The following MYH2 variants were observed in gnomAD, a reference collection of about 807,000 sequenced individuals.
The protein encoded by MYH2 is myosin-2.
In MYH2, 139 loss-of-function variants were observed where a neutral mutation model predicts 228.1. That is an observed-to-expected ratio of 0.61 (90% CI 0.53 to 0.70). The LOEUF is 0.70. MYH2 is among the 30% of genes least tolerant of loss of function. MYH2 has a pLI of 0.00. For missense variants in MYH2, 1,809 were observed against 2,357.5 expected (o/e 0.77, Z 4.82); for synonymous variants, 796 against 871.1 (o/e 0.91, Z 1.52).
intron 8 of MYH2, 116 bp downstream of exon 8, chr17:10,543,595 G>T (rs1344028662): frequency 6.8e-7 from 1 of 1,460,246 alleles, no homozygotes. Context: ...CAGAGGAAAA[G>T]GAAAGAACAA....
Position 10,549,194 on chromosome 17 carries a change from T to C in MYH2, c.-21+181A>G, listed in dbSNP as rs9907243. On this transcript the variant is annotated intron_variant, in intron 2 of 39. Coordinates refer to ENST00000245503, the MANE Select transcript of MYH2 (RefSeq NM_017534.6). ...TGTCACCCCACCAATGCTTGAGCCG[T>C]AAATGAGGATGTGTGCATTGTCCTG... Among the ~76,000 whole-genome samples the C allele has an allele frequency of 8.7e-3, 1,324 of 152,308 alleles. 16 individuals are homozygous for C. Among genetic ancestry groups the C allele is most frequent in the African/African-American group, 0.027 (1,136 of 41,554 alleles).
At chr17:10,528,613 T>A in intron 27 of MYH2, 77 bp downstream of exon 27, 1 of 1,606,562 alleles carries the variant, frequency 6.2e-7, no homozygotes, top group South Asian at 1.1e-5. Flanking sequence ...ACTTAATGTG[T>A]AAAAAGTGCC....
intron 39 of MYH2, 97 bp from the exon 40 acceptor site, chr17:10,521,529 A>G: frequency 2.6e-6 from 3 of 1,146,382 alleles, no homozygotes; most frequent in Non-Finnish European, 3.9e-6. Context: ...ATGGAGAAGC[A>G]ACATCTAGGG....
Position 10,540,594 on chromosome 17 carries a change from A to G in MYH2, c.1008T>C (p.Asp336=). 1 of 1,602,438 alleles carries G rather than the reference A, an allele frequency of 6.2e-7. No homozygotes were observed. Among genetic ancestry groups the G allele is most frequent in the Non-Finnish European group, 8.6e-7 (1 of 1,169,316 alleles). ...TCCAATTTTCTTGTGTTCTACTTAC[A>G]TCTGTGGCCATCAGTTCTTCCTGAT... The part of the protein sequence containing the change: ...IDDQEELMAT[D]SAIDILGFTN... The change falls in exon 11 of 40, where the codon GAT becomes GAC. Residue 336 remains aspartate (D), a splice_region_variant and synonymous_variant. Coordinates refer to ENST00000245503, the MANE Select transcript of MYH2 (RefSeq NM_017534.6).
At position 10,529,127 on chromosome 17, in the gene MYH2, C is replaced by T. The variant is rs1225979927; in HGVS notation, c.3354+35G>A. The T allele has an allele frequency of 3.1e-6, 5 of 1,614,176 alleles. 1 individual carries two copies. Among genetic ancestry groups the T allele is most frequent in the South Asian group, 2.2e-5 (2 of 91,086 alleles). Reference sequence around the variant, plus strand: ...ACTCAGCTTCTTTGTGTCATAACTGCCTCCGAGCCAGACTGATGAAAATCA... The same window carrying T: ...ACTCAGCTTCTTTGTGTCATAACTGTCTCCGAGCCAGACTGATGAAAATCA... On this transcript the variant is annotated intron_variant, in intron 26 of 39. Coordinates refer to ENST00000245503, the MANE Select transcript of MYH2 (RefSeq NM_017534.6).
chr17:10,545,276 C>T, intron 5 of MYH2, 70 bp downstream of exon 5: 3 of 1,611,118 alleles, frequency 1.9e-6, no homozygotes, highest in Non-Finnish European at 1.7e-6. Context: ...GTTGAGATTG[C>T]CTCGAGTCTC....
chr17:10,529,151 C>T lies in MYH2; in HGVS notation c.3354+11G>A, dbSNP rs368978436. 26 of 1,614,094 alleles carry T rather than the reference C, an allele frequency of 1.6e-5. No individual in the cohort carries two copies. Among genetic ancestry groups the T allele is most frequent in the Non-Finnish European group, 2.1e-5 (25 of 1,180,038 alleles). On this transcript the variant is annotated intron_variant, in intron 26 of 39. Transcript: ENST00000245503. ...GCCTCCGAGCCAGACTGATGAAAAT[C>T]ATGTACTTACTTGCAATTCTTTAAT...
rs759145892 is a variant in MYH2 at position 10,543,716 on chromosome 17, G to A, written c.736C>T (p.Arg246Cys). Residue 246 changes from arginine to cysteine, a missense_variant, in exon 8 of 40, where the codon CGC (arginine) becomes TGC (cysteine). Arg to Cys is a radical substitution (Grantham distance 180, BLOSUM62 -3). Around this residue, in one of 9 missense-constraint regions of MYH2, gnomAD observed 373 missense variants for 620.4 expected, o/e 0.60. Transcript: ENST00000245503. ...AGCGTGTCCAAGAGACTTACAAAGC[G>A]AGAGGAGTTGTCATTCCTCACGGTC... ...AKTVRNDNSS[R>C]FGKFIRIHFG... The A allele has an allele frequency of 1.2e-5, 19 of 1,614,002 alleles. No individual in the cohort carries two copies. Among genetic ancestry groups the A allele is most frequent in the East Asian group, 2.2e-5 (1 of 44,896 alleles).
At chr17:10,523,723 C>G in intron 36 of MYH2, 36 bp downstream of exon 36, 1 of 1,614,224 alleles carries the variant, frequency 6.2e-7, no homozygotes, top group Non-Finnish European at 8.5e-7. Context: ...GGAAATCTTA[C>G]TGCTAAATCA....
At chr17:10,530,495 C>G (rs573913011) in intron 22 of MYH2, among the ~76,000 whole-genome samples, 4 of 150,876 alleles carry the variant, frequency 2.7e-5, no homozygotes, top group East Asian at 2.0e-4. Flanking sequence ...TGTGGGGAAG[C>G]ATTCTAGCAG....
At chr17:10,539,776 A>C (rs1404810061) in intron 12 of MYH2, 152 bp downstream of exon 12, 1 of 1,245,478 alleles carries the variant, frequency 8.0e-7, no homozygotes, top group Non-Finnish European at 1.2e-6. Context: ...CCTAGTGCTT[A>C]TGTTTCCCAT....
chr17:10,547,469 A>G lies in MYH2; in HGVS notation c.348+6T>C, dbSNP rs753386422. 2.5e-6 allele frequency: 4 copies of G among 1,613,922 alleles called. No individual in the cohort carries two copies. The highest frequency in any genetic ancestry group is 3.3e-5 in the Admixed American group (2 of 60,006). On this transcript the variant is annotated splice_donor_region_variant and intron_variant, in intron 4 of 39. Transcript: ENST00000245503. ...ATTATACAGAGCACTGGCAGGGGAC[A>G]CTCACGTAGATCATCCAGGCTGCAT...
At position 10,521,268 on chromosome 17, in the gene MYH2, A is replaced by T; in HGVS notation, c.*12T>A. 6.2e-7 allele frequency: 1 copy of T among 1,613,196 alleles called. No homozygotes were observed. Among genetic ancestry groups the T allele is most frequent in the African/African-American group, 1.3e-5 (1 of 75,040 alleles). On this transcript the variant is annotated 3_prime_UTR_variant, in exon 40 of 40. Coordinates refer to ENST00000245503, the MANE Select transcript of MYH2 (RefSeq NM_017534.6). ...TGCCTGTCTTCAGTCATTCCATGGC[A>T]TCAGGACATGATCACTCTTCACTTA... is the stretch of plus-strand genomic sequence containing the variant.
At chr17:10,545,304 C>T (rs2073613514) in intron 5 of MYH2, 42 bp downstream of exon 5, 1 of 1,612,064 alleles carries the variant, frequency 6.2e-7, no homozygotes, top group Non-Finnish European at 8.5e-7. Context: ...TATGGTTCTG[C>T]TCTAAAGGTT....
rs775828229 is a variant in MYH2, at chr17:10,524,429, A to C, written c.5175+37T>G. ...AGGCTTATCTATTCTGGGACATATA[A>C]AATTTACTAAGGAGAGTTCTTTGTG... On this transcript the variant is annotated intron_variant, in intron 35 of 39. Coordinates refer to ENST00000245503, the MANE Select transcript of MYH2 (RefSeq NM_017534.6). This position sits in a 1 kb window ranked among gnomAD's most constrained non-coding sequence, Gnocchi z 4.7. 6.2e-7 allele frequency: 1 copy of C among 1,613,692 alleles called. No individual in the cohort carries two copies. The highest frequency in any genetic ancestry group is 8.5e-7 in the Non-Finnish European group (1 of 1,179,570).
intron 14 of MYH2, among the ~76,000 whole-genome samples, chr17:10,538,827 A>G (rs2073514483): frequency 6.6e-6 from 1 of 152,172 alleles, no homozygotes; most frequent in South Asian, 2.1e-4. Flanking sequence ...GTAATCAAAT[A>G]TGAATTTTTA....
Position 10,543,131 on chromosome 17 carries a change from T to G in MYH2, c.772A>C (p.Thr258Pro). 2 of 1,612,348 alleles carry G rather than the reference T, an allele frequency of 1.2e-6. No homozygotes were observed. Among genetic ancestry groups the G allele is most frequent in the Non-Finnish European group, 1.7e-6 (2 of 1,178,892 alleles). ...ATATCAGCAGATGCCAGTTTTCCAGTAGTGCCAAAGTGGATTCTGATGAAT... is the reference window on the plus strand; with the variant it reads ...ATATCAGCAGATGCCAGTTTTCCAGGAGTGCCAAAGTGGATTCTGATGAAT... ...GKFIRIHFGT[T>P]GKLASADIET... is the part of the protein sequence containing the mutation. The change falls in exon 9 of 40, where the codon ACT (threonine) becomes CCT (proline). Residue 258 changes from threonine to proline, a missense_variant. Transcript: ENST00000245503.
chr17:10,533,148 C>T (rs2073443682), intron 21 of MYH2, 137 bp downstream of exon 21: 3 of 1,292,252 alleles, frequency 2.3e-6, no homozygotes, highest in Non-Finnish European at 3.3e-6. Flanking sequence ...TTTTCTGGTA[C>T]ATGTGTATTC....
In MYH2 at chr17:10,529,985, A is replaced by C. The variant is rs2073405883; in HGVS notation, c.2787T>G (p.Thr929=). The C allele has an allele frequency of 1.2e-6, 2 of 1,613,840 alleles. No individual in the cohort carries two copies. The change falls in exon 23 of 40, where the codon ACT becomes ACG. Residue 929 remains threonine (T), a synonymous_variant. Coordinates refer to ENST00000245503, the MANE Select transcript of MYH2 (RefSeq NM_017534.6). ...TCTCTTCCTCATCCTCAGCTCTCTCAGTCACCTCTTTGATTTTGGCTTCTA... is the reference window on the plus strand; with the variant it reads ...TCTCTTCCTCATCCTCAGCTCTCTCCGTCACCTCTTTGATTTTGGCTTCTA... ...IQLEAKIKEV[T]ERAEDEEEIN...
Sources: gnomAD v4.1 joint callset for allele counts (sites outside exome capture counted in the v4.1 genomes callset) on GRCh38, gnomAD v4.1.1 for gene constraint, gnomAD v4.1.1 regional missense constraint, Gnocchi (gnomAD v3.1) non-coding constraint, MANE v1.5 for transcripts, NCBI Gene and HGNC (gene_info 2026-07-23, HGNC 2026-07-21) for gene names.